Variants in CHST11 observed in about 807,000 individuals in gnomAD.
CHST11 encodes carbohydrate sulfotransferase 11, also known as C4S-1.
In CHST11, 9 loss-of-function variants were observed where a neutral mutation model predicts 30.4. The ratio of observed to expected loss-of-function variants is 0.30; its 90% CI spans 0.18 to 0.52. The LOEUF is 0.52. Ranked by LOEUF, CHST11 falls within the 20% of genes least tolerant of loss-of-function variation. The probability of loss-of-function intolerance (pLI) is 0.97; values close to 1 mark genes in which losing one functional copy is unlikely to be tolerated. For synonymous variants in CHST11, 152 were observed against 187.8 expected, an observed-to-expected ratio of 0.81 and a Z score of 1.56; for missense variants, 348 against 460.6, an observed-to-expected ratio of 0.76 and a Z score of 2.24.
chr12:104,523,776 C>G (rs1272046220), intron 1 of CHST11, among the ~76,000 whole-genome samples: 1 of 152,186 alleles, frequency 6.6e-6, no homozygotes, highest in Admixed American at 6.5e-5. Context: ...TACCTGTTAT[C>G]TCTCTCTGTG....
intron 2 of CHST11, among the ~76,000 whole-genome samples, chr12:104,702,473 T>C (rs1293774075): frequency 6.6e-6 from 1 of 151,868 alleles, no homozygotes; most frequent in Non-Finnish European, 1.5e-5. Flanking sequence ...TGATGTCAAC[T>C]GATGGGACAT....
At chr12:104,483,537 C>T (rs1211694874) in intron 1 of CHST11, among the ~76,000 whole-genome samples, 1 of 152,148 alleles carries the variant, frequency 6.6e-6, no homozygotes, top group Non-Finnish European at 1.5e-5. Context: ...TTTCATTGCA[C>T]TCCATTTGTC....
chr12:104,467,339 A>T (rs2037469482), intron 1 of CHST11, among the ~76,000 whole-genome samples: 2 of 152,228 alleles, frequency 1.3e-5, no homozygotes, highest in African/African-American at 4.8e-5. Context: ...ATGAACAAAA[A>T]ATGGGAAGTC....
chr12:104,572,895 A>G (rs1033946124), intron 1 of CHST11, among the ~76,000 whole-genome samples: 1 of 152,192 alleles, frequency 6.6e-6, no homozygotes, highest in Admixed American at 6.5e-5. Context: ...AATAAAGGGT[A>G]TTCAATTAGG....
chr12:104,522,157 T>G (rs1394961949), intron 1 of CHST11, among the ~76,000 whole-genome samples: 3 of 152,208 alleles, frequency 2.0e-5, no homozygotes, highest in African/African-American at 7.2e-5. Flanking sequence ...AGTATTTGCT[T>G]TGGCTCTTTT....
At position 104,746,595 on chromosome 12, in the gene CHST11, C is replaced by G. The variant is rs528348624; in HGVS notation, c.205-10354C>G. On this transcript the variant is annotated intron_variant, in intron 2 of 2. Coordinates refer to ENST00000303694, the MANE Select transcript of CHST11 (RefSeq NM_018413.6). ...CGGTGCATTTTCCTTCTTCCTTTTGCCTTGGAAAGGAAGGCAAAGCTTCTG... is the reference window on the plus strand; with the variant it reads ...CGGTGCATTTTCCTTCTTCCTTTTGGCTTGGAAAGGAAGGCAAAGCTTCTG... 2.6e-5 allele frequency among the ~76,000 whole-genome samples: 4 copies of G among 152,268 alleles called. No homozygotes were observed. In the South Asian group the frequency reaches 8.3e-4, roughly 32 times the overall value.
chr12:104,491,666 C>A (rs1406334611), intron 1 of CHST11, among the ~76,000 whole-genome samples: 1 of 152,006 alleles, frequency 6.6e-6, no homozygotes, highest in Non-Finnish European at 1.5e-5. Flanking sequence ...TCAATAGAGA[C>A]AGTGTCTTGC....
intron 2 of CHST11, among the ~76,000 whole-genome samples, chr12:104,639,785 G>A (rs1189394633): frequency 6.6e-6 from 1 of 152,194 alleles, no homozygotes; most frequent in South Asian, 2.1e-4. Flanking sequence ...TGCAGGCCCA[G>A]TTGGAGGTCG....
At chr12:104,492,503 C>T (rs1399515198) in intron 1 of CHST11, among the ~76,000 whole-genome samples, 1 of 152,232 alleles carries the variant, frequency 6.6e-6, no homozygotes, top group African/African-American at 2.4e-5. Flanking sequence ...CTATGTGTCT[C>T]TGGCACATAC....
intron 2 of CHST11, among the ~76,000 whole-genome samples, chr12:104,639,487 A>G (rs866346851): frequency 6.6e-6 from 1 of 152,116 alleles, no homozygotes; most frequent in Non-Finnish European, 1.5e-5. Flanking sequence ...AAGAGAAGTA[A>G]TTTTTTCATG....
At chr12:104,697,534 A>G (rs1216589379) in intron 2 of CHST11, among the ~76,000 whole-genome samples, 1 of 152,132 alleles carries the variant, frequency 6.6e-6, no homozygotes, top group African/African-American at 2.4e-5. Context: ...CTTGCCAATG[A>G]CATATCATGG....
rs75276598 is a variant in CHST11, at chr12:104,550,451, C to T, written c.119-51455C>T. Among the ~76,000 whole-genome samples the T allele has an allele frequency of 4.1e-3, 621 of 151,254 alleles. 8 individuals carry two copies. Among genetic ancestry groups the T allele is most frequent in the African/African-American group, 0.015 (599 of 41,064 alleles). On this transcript the variant is annotated intron_variant, in intron 1 of 2. Transcript: ENST00000303694. ...TGTTTTTAAAGAGCCAAGCAGTAAA[C>T]TTTGGGTTTTGCAGACCATACAGTC...
chr12:104,752,713 CAAATGGGGTT>C (rs2040443782), intron 2 of CHST11, among the ~76,000 whole-genome samples: 2 of 152,010 alleles, frequency 1.3e-5, no homozygotes, highest in Non-Finnish European at 2.9e-5. Context: ...ATTTTTAGTA[CAAATGGGGTT>C]TCGCCATGTT....
intron 2 of CHST11, among the ~76,000 whole-genome samples, chr12:104,603,624 C>A (rs971237342): frequency 3.3e-5 from 5 of 152,198 alleles, no homozygotes; most frequent in African/African-American, 1.2e-4. Flanking sequence ...ACCTAAAACT[C>A]TCCCTGGAAT....
chr12:104,579,222 G>A (rs916888503), intron 1 of CHST11, among the ~76,000 whole-genome samples: 1 of 152,208 alleles, frequency 6.6e-6, no homozygotes, highest in African/African-American at 2.4e-5. Flanking sequence ...TGGTTGCTCA[G>A]TGAATATCTG....
At chr12:104,493,835 G>A (rs2037773799) in intron 1 of CHST11, among the ~76,000 whole-genome samples, 2 of 152,190 alleles carry the variant, frequency 1.3e-5, no homozygotes, top group Non-Finnish European at 2.9e-5. Flanking sequence ...GTTCGGTTTT[G>A]TTTTTTGAGA....
At chr12:104,632,349 A>T (rs1674669475) in intron 2 of CHST11, among the ~76,000 whole-genome samples, 1 of 152,194 alleles carries the variant, frequency 6.6e-6, no homozygotes, top group African/African-American at 2.4e-5. Context: ...GAATTTGAAA[A>T]GTCCAAGTTC....
chr12:104,588,756 C>G (rs967894498), intron 1 of CHST11: 1 of 152,706 alleles, frequency 6.5e-6, no homozygotes. Flanking sequence ...ACCAGCCAAC[C>G]TGCTCACCAG....
At chr12:104,488,821 C>T (rs1220584584) in intron 1 of CHST11, among the ~76,000 whole-genome samples, 2 of 151,574 alleles carry the variant, frequency 1.3e-5, no homozygotes, top group African/African-American at 2.4e-5. Flanking sequence ...TGTTAGTTTG[C>T]TAGGGCTGCT....
Sources: gnomAD v4.1 joint callset for allele counts (sites outside exome capture counted in the v4.1 genomes callset) on GRCh38, gnomAD v4.1.1 for gene constraint, MANE v1.5 for transcripts, NCBI Gene and HGNC (gene_info 2026-07-23, HGNC 2026-07-21) for gene names.